CDKAL1: variants seen among roughly 807,000 people sequenced by gnomAD.
The protein encoded by CDKAL1 is threonylcarbamoyladenosine tRNA methylthiotransferase.
A neutral mutation model predicts 68.2 loss-of-function variants in CDKAL1; 32 were observed. The observed-to-expected ratio is 0.47, with a 90% confidence interval of 0.35 to 0.63. The LOEUF is 0.63. CDKAL1 is among the 30% of genes least tolerant of loss of function. The probability of loss-of-function intolerance (pLI) is 0.00; values close to 1 mark genes in which losing one functional copy is unlikely to be tolerated. For synonymous variants in CDKAL1, 234 were observed against 244.3 expected, an observed-to-expected ratio of 0.96 and a Z score of 0.39; for missense variants, 606 against 696.7, an observed-to-expected ratio of 0.87 and a Z score of 1.47.
chr6:20,867,366 A>G (rs1759964631), intron 9 of CDKAL1, among the ~76,000 whole-genome samples: 1 of 152,214 alleles, frequency 6.6e-6, no homozygotes, highest in Non-Finnish European at 1.5e-5. Context: ...ACAGTTGTCA[A>G]ATAACGGTTA....
At chr6:21,062,394 A>G (rs1319171052) in intron 11 of CDKAL1, among the ~76,000 whole-genome samples, 1 of 152,234 alleles carries the variant, frequency 6.6e-6, no homozygotes, top group Admixed American at 6.5e-5. Context: ...AAGCTATTCT[A>G]CATGCTTTAG....
chr6:20,894,620 G>A (rs1398974232), intron 9 of CDKAL1, among the ~76,000 whole-genome samples: 1 of 152,102 alleles, frequency 6.6e-6, no homozygotes, highest in Non-Finnish European at 1.5e-5. Flanking sequence ...TTCATGTTGA[G>A]TGTTACAGGT....
chr6:21,066,810 G>A (rs1158416194), intron 12 of CDKAL1, among the ~76,000 whole-genome samples: 1 of 151,948 alleles, frequency 6.6e-6, no homozygotes. Context: ...AGTTTTCATA[G>A]AGACAGGGTC....
intron 15 of CDKAL1, among the ~76,000 whole-genome samples, chr6:21,213,420 A>C (rs910128663): frequency 2.6e-5 from 4 of 152,166 alleles, no homozygotes; most frequent in African/African-American, 9.6e-5. Flanking sequence ...TGCCCTAATC[A>C]CCTATATGCC....
At chr6:20,625,842 T>G (rs566682044) in intron 4 of CDKAL1, among the ~76,000 whole-genome samples, 2 of 152,270 alleles carry the variant, frequency 1.3e-5, no homozygotes, top group South Asian at 4.1e-4. Flanking sequence ...TTTGTAAGAT[T>G]GTAATTGGGA....
At position 20,862,364 on chromosome 6, in the gene CDKAL1, C is replaced by G. The variant is rs144244246; in HGVS notation, c.742+16186C>G. Reference sequence around the variant, plus strand: ...TCAATTCTGTTTCCATAGTTTCTAGCTCTGTGACCTTAAGAAAGTTACTTA... The same window carrying G: ...TCAATTCTGTTTCCATAGTTTCTAGGTCTGTGACCTTAAGAAAGTTACTTA... On this transcript the variant is annotated intron_variant, in intron 9 of 15. Transcript: ENST00000274695. Among the ~76,000 whole-genome samples, 587 of 152,302 alleles carry G rather than the reference C, an allele frequency of 3.9e-3. 2 individuals carry two copies. The highest frequency in any genetic ancestry group is 0.014 in the African/African-American group (562 of 41,562).
intron 4 of CDKAL1, among the ~76,000 whole-genome samples, chr6:20,614,100 C>CT (rs1766775284): frequency 6.6e-6 from 1 of 151,970 alleles, no homozygotes; most frequent in South Asian, 2.1e-4. Context: ...GTCTGTATCC[C>CT]TTTATCATTT....
Position 20,781,162 on chromosome 6 carries a change from C to G in CDKAL1, c.535C>G (p.Leu179Val). ...ETIKGHSVRL[L>V]GQKKDNGRRL... ...ATTTGAAGGTCACTCTGTGAGACTG[C>G]TGGGTCAGAAAAAGGATAATGGAAG... Residue 179 changes from leucine to valine, a missense_variant, in exon 8 of 16, where the codon CTG (leucine) becomes GTG (valine). Leu to Val is a conservative substitution (Grantham distance 32). Coordinates refer to ENST00000274695, the MANE Select transcript of CDKAL1 (RefSeq NM_017774.3). 2 of 1,613,750 alleles carry G rather than the reference C, an allele frequency of 1.2e-6. No individual in the cohort carries two copies. Among genetic ancestry groups the G allele is most frequent in the Non-Finnish European group, 1.7e-6 (2 of 1,179,872 alleles).
At chr6:21,190,579 C>G (rs1166766400) in intron 13 of CDKAL1, among the ~76,000 whole-genome samples, 3 of 152,136 alleles carry the variant, frequency 2.0e-5, no homozygotes, top group Non-Finnish European at 4.4e-5. Flanking sequence ...GTTGGCTAAG[C>G]TGGTCTTGAA....
chr6:20,679,956 AT>A (rs1770299456), intron 5 of CDKAL1, among the ~76,000 whole-genome samples: 1 of 151,538 alleles, frequency 6.6e-6, no homozygotes, highest in African/African-American at 2.4e-5. Context: ...GTTTCTATTT[AT>A]TTTTATTTCT....
intron 11 of CDKAL1, among the ~76,000 whole-genome samples, chr6:21,009,393 C>A (rs534532576): frequency 1.4e-4 from 21 of 152,142 alleles, no homozygotes; most frequent in Admixed American, 1.4e-3. Flanking sequence ...TAGTCAATAT[C>A]GCCTCCTTTT....
intron 4 of CDKAL1, among the ~76,000 whole-genome samples, chr6:20,556,138 G>T (rs1004486242): frequency 2.0e-5 from 3 of 151,988 alleles, no homozygotes; most frequent in Non-Finnish European, 2.9e-5. Context: ...GCCTAGGCAG[G>T]TGGATCTCCT....
At chr6:20,917,869 G>T (rs1762786231) in intron 9 of CDKAL1, among the ~76,000 whole-genome samples, 1 of 152,206 alleles carries the variant, frequency 6.6e-6, no homozygotes. Flanking sequence ...TGGATCCTTT[G>T]TGGGATGATT....
chr6:20,705,541 T>G (rs972969812), intron 5 of CDKAL1, among the ~76,000 whole-genome samples: 2 of 152,138 alleles, frequency 1.3e-5, no homozygotes, highest in African/African-American at 2.4e-5. Flanking sequence ...ACAAGACAAA[T>G]TAAATGTATA....
chr6:21,062,029 C>A (rs1189789402), intron 11 of CDKAL1, among the ~76,000 whole-genome samples: 1 of 152,176 alleles, frequency 6.6e-6, no homozygotes, highest in Admixed American at 6.5e-5. Context: ...ACTATGACTT[C>A]TTTAAAGGTT....
intron 12 of CDKAL1, among the ~76,000 whole-genome samples, chr6:21,094,443 G>T (rs1007582998): frequency 2.6e-5 from 4 of 152,120 alleles, no homozygotes; most frequent in African/African-American, 9.7e-5. Flanking sequence ...AAAATAAGCA[G>T]ATGCTTTAGG....
intron 9 of CDKAL1, among the ~76,000 whole-genome samples, chr6:20,874,956 C>G (rs1760423248): frequency 6.6e-6 from 1 of 152,082 alleles, no homozygotes; most frequent in South Asian, 2.1e-4. Flanking sequence ...TGTCAAAAAA[C>G]TTGAGATATT....
chr6:20,750,455 G>A (rs1168683626), intron 6 of CDKAL1, among the ~76,000 whole-genome samples: 6 of 152,270 alleles, frequency 3.9e-5, no homozygotes, highest in African/African-American at 1.4e-4. Flanking sequence ...TTGTGGGGGA[G>A]AGTTTGGAGA....
At chr6:20,763,788 A>T (rs187873364) in intron 7 of CDKAL1, among the ~76,000 whole-genome samples, 14 of 152,322 alleles carry the variant, frequency 9.2e-5, no homozygotes, top group Non-Finnish European at 1.8e-4. Flanking sequence ...GTTTTCATTT[A>T]TCTGTCTTGA....
Sources: allele counts gnomAD v4.1 joint callset (sites outside exome capture counted in the v4.1 genomes callset), GRCh38; gene constraint gnomAD v4.1.1; transcripts MANE v1.5; gene names NCBI Gene and HGNC (gene_info 2026-07-23, HGNC 2026-07-21).